SECISBP2L: variants seen among roughly 807,000 people sequenced by gnomAD.
The protein encoded by SECISBP2L is selenocysteine insertion sequence-binding protein 2-like.
Under a neutral mutation model 114.7 loss-of-function variants are expected in SECISBP2L, and 43 were observed. That is an observed-to-expected ratio of 0.38 (90% CI 0.29 to 0.48). The LOEUF is 0.48. Among genes scored for constraint, SECISBP2L ranks in the 20% least tolerant of loss-of-function variants. SECISBP2L has a pLI of 0.98. For synonymous variants in SECISBP2L, 451 were observed against 439.7 expected, an observed-to-expected ratio of 1.03 and a Z score of -0.32; for missense variants, 1,136 against 1,301.1, an observed-to-expected ratio of 0.87 and a Z score of 1.95.
chr15:49,028,658 T>C lies in SECISBP2L; in HGVS notation c.689A>G (p.Lys230Arg), dbSNP rs558003863. 2 of 1,614,114 alleles carry C rather than the reference T, an allele frequency of 1.2e-6. No individual in the cohort carries two copies. Among genetic ancestry groups the C allele is most frequent in the African/African-American group, 1.3e-5 (1 of 75,034 alleles). Residue 230 changes from lysine (K) to arginine (R), a missense_variant, in exon 5 of 18, where the codon AAG (lysine) becomes AGG (arginine). Physicochemically the swap from Lys to Arg is conservative, Grantham distance 26 (BLOSUM62 2). Around this residue, in one of 2 missense-constraint regions of SECISBP2L, gnomAD observed 452 missense variants for 452.3 expected, o/e 1.00. Coordinates refer to ENST00000559471, the MANE Select transcript of SECISBP2L (RefSeq NM_001193489.2). ...TGTTGCAGTGGTCTCTGAGAGAGAC[T>C]TGTTAGCGATATCTGATGGGAAATC... ...QTDFPSDIANKSLSETTATML... is the reference protein window; with the variant it reads ...QTDFPSDIANRSLSETTATML...
At chr15:49,011,523 T>C (rs185633154) in intron 13 of SECISBP2L, 44 of 442,182 alleles carry the variant, frequency 1.0e-4, no homozygotes, top group African/African-American at 5.3e-4. Context: ...AAAAATGTCA[T>C]AGGCCTACTA....
At chr15:49,045,613 T>C (rs772717383) in intron 1 of SECISBP2L, among the ~76,000 whole-genome samples, 1 of 152,154 alleles carries the variant, frequency 6.6e-6, no homozygotes, top group African/African-American at 2.4e-5. Flanking sequence ...AGAACACTAA[T>C]AGGACTACTT....
intron 13 of SECISBP2L, among the ~76,000 whole-genome samples, chr15:49,010,442 A>G (rs540437411): frequency 6.6e-6 from 1 of 152,192 alleles, no homozygotes; most frequent in Admixed American, 6.5e-5. Flanking sequence ...TAAACTCAGG[A>G]AATTAGTTTG....
chr15:49,033,025 C>G lies in SECISBP2L; in HGVS notation c.604G>C (p.Ala202Pro), dbSNP rs779398789. Residue 202 changes from alanine to proline, a missense_variant, in exon 4 of 18, where the codon GCA (alanine) becomes CCA (proline). Ala to Pro is a conservative substitution (Grantham distance 27). This residue lies in a region of SECISBP2L where 452 missense variants were observed against 452.3 expected (regional missense o/e 1.00). Coordinates refer to ENST00000559471, the MANE Select transcript of SECISBP2L (RefSeq NM_001193489.2). ...KNVATQKETN[A>P]AGPDSRSKIV... Reference sequence around the variant, plus strand: ...TTTGATCGACTATCAGGACCTGCTGCATTTGTTTCTTTCTGAGTAGCTACA... The same window carrying G: ...TTTGATCGACTATCAGGACCTGCTGGATTTGTTTCTTTCTGAGTAGCTACA... 1 of 1,614,066 alleles carries G rather than the reference C, an allele frequency of 6.2e-7. No individual in the cohort carries two copies. Among genetic ancestry groups the G allele is most frequent in the Non-Finnish European group, 8.5e-7 (1 of 1,179,992 alleles).
intron 7 of SECISBP2L, among the ~76,000 whole-genome samples, chr15:49,023,826 T>A (rs1376156707): frequency 6.6e-6 from 1 of 152,174 alleles, no homozygotes; most frequent in Non-Finnish European, 1.5e-5. Context: ...AAATAAGATA[T>A]ATACTTCTAT....
At chr15:49,026,024 C>T (rs1902733831) in intron 7 of SECISBP2L, among the ~76,000 whole-genome samples, 1 of 152,092 alleles carries the variant, frequency 6.6e-6, no homozygotes, top group Non-Finnish European at 1.5e-5. Flanking sequence ...TATATATAAA[C>T]AAGGGAATAC....
At chr15:48,997,820 G>T (rs1172255160) in intron 16 of SECISBP2L, among the ~76,000 whole-genome samples, 2 of 152,156 alleles carry the variant, frequency 1.3e-5, no homozygotes, top group Non-Finnish European at 2.9e-5. Context: ...GGTGAGCCGA[G>T]ATCATGCCAT....
At chr15:49,011,276 G>A (rs746355884) in intron 13 of SECISBP2L, among the ~76,000 whole-genome samples, 1 of 151,994 alleles carries the variant, frequency 6.6e-6, no homozygotes, top group African/African-American at 2.4e-5. Context: ...GAATCTTATC[G>A]ACCAACTAGA....
At position 49,035,243 on chromosome 15, in the gene SECISBP2L, A is replaced by G. The variant is rs1401847239; in HGVS notation, c.528+91T>C. The G allele has an allele frequency of 9.5e-6, 10 of 1,051,832 alleles. No homozygotes were observed. The African/African-American group carries it at 9.6e-5, about 10-fold the overall frequency. The allele number at this position is 1,051,832 out of a possible 1,614,324, so 65.2% of individuals were successfully genotyped here. On this transcript the variant is annotated intron_variant, in intron 3 of 17. Transcript: ENST00000559471. The stretch of plus-strand genomic sequence containing the variant: ...GAACAATATGTTTTATAGTAAATTC[A>G]GCATTAATGGTCAATCAACCCAAGT...
At position 49,008,290 on chromosome 15, in the gene SECISBP2L, C is replaced by T. The variant is rs1902365019; in HGVS notation, c.2027+926G>A. Among the ~76,000 whole-genome samples the T allele has an allele frequency of 4.6e-5, 7 of 152,230 alleles. No homozygotes were observed. In the South Asian group the frequency reaches 1.4e-3, roughly 32 times the overall value. On this transcript the variant is annotated intron_variant, in intron 14 of 17. Transcript: ENST00000559471. ...TCTGTCAAAAATAGTTAAATAAGTA[C>T]AAGAATGACACTACTTCAGAAGAAT...
intron 12 of SECISBP2L, 128 bp from the exon 13 acceptor site, chr15:49,011,991 G>T: frequency 3.2e-6 from 3 of 934,132 alleles, no homozygotes; most frequent in Non-Finnish European, 4.8e-6. Flanking sequence ...TGGCTAACTG[G>T]CAAAAAGGCA....
Position 48,989,383 on chromosome 15 carries a change from T to C in SECISBP2L, c.*2861A>G, listed in dbSNP as rs1901924260. ...ATGTGAATTCCTTTTGACTAATTCT[T>C]TTCCAAATACTGGAATCATATAAAA... is the stretch of plus-strand genomic sequence containing the variant. On this transcript the variant is annotated 3_prime_UTR_variant, in exon 18 of 18. Transcript: ENST00000559471. 2 of 152,610 alleles carry C rather than the reference T, an allele frequency of 1.3e-5. No individual in the cohort carries two copies. The highest frequency in any genetic ancestry group is 2.9e-5 in the Non-Finnish European group (2 of 68,024). The allele number at this position is 152,610 out of a possible 1,614,324, so 9.5% of individuals were successfully genotyped here. A position where few individuals can be genotyped will look rare whatever the true frequency, so the allele number is the denominator to read the frequency against.
intron 14 of SECISBP2L, among the ~76,000 whole-genome samples, chr15:49,002,302 GT>G (rs59322895): frequency 0.044 from 6,620 of 152,010 alleles, 234 homozygotes; most frequent in East Asian, 0.13. Context: ...TGATGGGGTT[GT>G]TTTTTCTTAT....
At chr15:49,021,619 G>A (rs1056174940) in intron 7 of SECISBP2L, among the ~76,000 whole-genome samples, 1 of 152,280 alleles carries the variant, frequency 6.6e-6, no homozygotes, top group South Asian at 2.1e-4. Flanking sequence ...ACAAAGACCT[G>A]GAACCACCTG....
At chr15:48,998,232 T>C (rs1902134762) in intron 16 of SECISBP2L, among the ~76,000 whole-genome samples, 1 of 152,232 alleles carries the variant, frequency 6.6e-6, no homozygotes, top group Admixed American at 6.5e-5. Context: ...AAAATATAAG[T>C]AGCATCCTTT....
chr15:49,006,367 G>A (rs751520477), intron 14 of SECISBP2L, among the ~76,000 whole-genome samples: 1 of 151,996 alleles, frequency 6.6e-6, no homozygotes, highest in Non-Finnish European at 1.5e-5. Context: ...CATTCTCCTC[G>A]TCACTTTCAG....
intron 8 of SECISBP2L, among the ~76,000 whole-genome samples, chr15:49,018,762 C>T (rs991609340): frequency 6.6e-6 from 1 of 152,150 alleles, no homozygotes; most frequent in Admixed American, 6.6e-5. Flanking sequence ...GTTACCTACC[C>T]TGCCACAAAC....
chr15:49,000,216 T>C (rs1902173677), intron 15 of SECISBP2L, among the ~76,000 whole-genome samples: 1 of 152,236 alleles, frequency 6.6e-6, no homozygotes, highest in Non-Finnish European at 1.5e-5. Context: ...GTATTTTTCT[T>C]TCTCCATAGG....
chr15:49,037,743 C>T lies in SECISBP2L; in HGVS notation c.51G>A (p.Glu17=), dbSNP rs564965125. 6.2e-7 allele frequency: 1 copy of T among 1,607,014 alleles called. No homozygotes were observed. Among genetic ancestry groups the T allele is most frequent in the South Asian group, 1.1e-5 (1 of 90,038 alleles). ...GACTCTTCTTCTGGGGAATAAATGGCTCCACCTCAGCTGACAGCTTGACAT... is the reference window on the plus strand; with the variant it reads ...GACTCTTCTTCTGGGGAATAAATGGTTCCACCTCAGCTGACAGCTTGACAT... The part of the protein sequence containing the change: ...EQNVKLSAEV[E]PFIPQKKSPD... Residue 17 remains glutamate (E), a synonymous_variant, in exon 2 of 18, where the codon GAG becomes GAA. Coordinates refer to ENST00000559471, the MANE Select transcript of SECISBP2L (RefSeq NM_001193489.2).
Sources: allele counts gnomAD v4.1 joint callset (sites outside exome capture counted in the v4.1 genomes callset), GRCh38; gene constraint gnomAD v4.1.1; regional missense constraint gnomAD v4.1.1; transcripts MANE v1.5; gene names NCBI Gene and HGNC (gene_info 2026-07-23, HGNC 2026-07-21).